The following GLT1D1 variants were observed in gnomAD, a reference collection of about 807,000 sequenced individuals.
The protein encoded by GLT1D1 is glycosyltransferase 1 domain containing 1, also known as glycosyltransferase 1 domain-containing protein 1.
GLT1D1 carries 21 observed loss-of-function variants against 28.7 expected under a neutral mutation model. That is an observed-to-expected ratio of 0.73 (90% CI 0.52 to 1.05). The LOEUF is 1.05. Among genes scored for constraint, GLT1D1 ranks in the 50% least tolerant of loss-of-function variants. GLT1D1 has a pLI of 0.00. For synonymous variants in GLT1D1, 147 were observed against 124.8 expected (o/e 1.18, Z -1.19); for missense variants, 343 against 330.6 (o/e 1.04, Z -0.29).
intron 5 of GLT1D1, among the ~76,000 whole-genome samples, chr12:128,946,319 G>A (rs777424945): frequency 3.3e-5 from 5 of 152,222 alleles, no homozygotes; most frequent in East Asian, 3.9e-4. Context: ...TGACATTATC[G>A]TCTCTAGTAT....
At chr12:128,963,322 C>T (rs1878149221) in intron 7 of GLT1D1, among the ~76,000 whole-genome samples, 1 of 151,892 alleles carries the variant, frequency 6.6e-6, no homozygotes, top group South Asian at 2.1e-4. Context: ...GTCGTATGGG[C>T]CAGAAAATAG....
intron 4 of GLT1D1, among the ~76,000 whole-genome samples, chr12:128,908,390 T>C (rs10847716): frequency 2.5e-4 from 34 of 133,434 alleles, no homozygotes; most frequent in East Asian, 1.1e-3. Flanking sequence ...TTCTCTTTCT[T>C]TCTCTCTCTC....
intron 6 of GLT1D1, among the ~76,000 whole-genome samples, chr12:128,949,737 A>G (rs186717716): frequency 6.6e-6 from 1 of 152,114 alleles, no homozygotes; most frequent in East Asian, 1.9e-4. Context: ...AGCCATCATG[A>G]TTAGGCTCAC....
chr12:128,881,533 C>CG (rs1957043841), intron 2 of GLT1D1, among the ~76,000 whole-genome samples: 3 of 5,508 alleles, frequency 5.4e-4, no homozygotes, highest in African/African-American at 5.0e-4. Flanking sequence ...GACTCTGTAT[C>CG]GAAAAAAAAA....
chr12:128,951,876 G>A (rs964720717), intron 6 of GLT1D1, among the ~76,000 whole-genome samples: 2 of 152,158 alleles, frequency 1.3e-5, no homozygotes, highest in African/African-American at 4.8e-5. Context: ...AAGTCTCTTC[G>A]CCCTCTGTTC....
intron 5 of GLT1D1, 121 bp downstream of exon 9, chr12:128,945,490 C>A: frequency 2.4e-6 from 2 of 848,994 alleles, no homozygotes; most frequent in Non-Finnish European, 4.1e-6. Flanking sequence ...ACTGTTTCCT[C>A]ATGCATCTTC....
chr12:128,942,813 C>T (rs2164173), intron 4 of GLT1D1, among the ~76,000 whole-genome samples: 7,272 of 149,204 alleles, frequency 0.049, 432 homozygotes, highest in East Asian at 0.17. Flanking sequence ...TGCGGTGGCA[C>T]GATCTAGGCT....
rs538327098 is a variant in GLT1D1 at position 128,892,487 on chromosome 12, G to T, written c.323+3743G>T. 3.3e-5 allele frequency among the ~76,000 whole-genome samples: 5 copies of T among 152,266 alleles called. No homozygotes were observed. The East Asian group carries it at 7.7e-4, about 23-fold the overall frequency. ...GGAAGAAAAACAATTCTGTTTACTA[G>T]AAACAACATTGAATGAATCCATCTT... is the stretch of plus-strand genomic sequence containing the variant. On this transcript the variant is annotated intron_variant, in intron 3 of 7. Transcript: ENST00000281703.
intron 4 of GLT1D1, among the ~76,000 whole-genome samples, chr12:128,911,687 A>C (rs1871549167): frequency 6.6e-6 from 1 of 152,164 alleles, no homozygotes; most frequent in African/African-American, 2.4e-5. Flanking sequence ...CACCTTAAAA[A>C]TATTCCTGCC....
At chr12:128,874,275 G>A (rs1593064962) in intron 1 of GLT1D1, among the ~76,000 whole-genome samples, 3 of 150,150 alleles carry the variant, frequency 2.0e-5, no homozygotes, top group South Asian at 4.2e-4. Context: ...TTTGCCTCCC[G>A]GGTTCAAGCA....
chr12:128,946,758 C>T (rs1019999910), intron 5 of GLT1D1, among the ~76,000 whole-genome samples: 11 of 148,950 alleles, frequency 7.4e-5, no homozygotes, highest in Admixed American at 3.4e-4. Context: ...GAGCAATTCT[C>T]CTGCCTCAGC....
chr12:128,972,099 C>T (rs952369764), intron 7 of GLT1D1, among the ~76,000 whole-genome samples: 31 of 151,984 alleles, frequency 2.0e-4, no homozygotes, highest in African/African-American at 7.2e-4. Context: ...TGGGCTGCAG[C>T]GGAACTGGGC....
chr12:128,969,962 C>T (rs1878872889), intron 7 of GLT1D1, among the ~76,000 whole-genome samples: 1 of 152,186 alleles, frequency 6.6e-6, no homozygotes, highest in South Asian at 2.1e-4. Flanking sequence ...CCTCCCCTCC[C>T]CCTGCCTCTG....
At chr12:128,911,588 C>A (rs554106380) in intron 4 of GLT1D1, among the ~76,000 whole-genome samples, 1 of 152,154 alleles carries the variant, frequency 6.6e-6, no homozygotes, top group African/African-American at 2.4e-5. Flanking sequence ...ACCAAAATGA[C>A]GGCCTGTTTT....
chr12:128,939,781 TCTC>T (rs1487490855), intron 4 of GLT1D1, among the ~76,000 whole-genome samples: 10 of 147,916 alleles, frequency 6.8e-5, no homozygotes, highest in African/African-American at 2.3e-4. Flanking sequence ...AACAGCCAAA[TCTC>T]CTGAGAACTC....
Position 128,887,291 on chromosome 12 carries a change from A to G in GLT1D1, c.218-1348A>G, listed in dbSNP as rs185686105. On this transcript the variant is annotated intron_variant, in intron 2 of 7. Coordinates refer to ENST00000281703, the MANE Select transcript of GLT1D1 (RefSeq NM_144669.3). Reference sequence around the variant, plus strand: ...CTTGGCCTTCCAAAGTGCTGGCATTACAGGTGTGAGCCACCGCACCTGGCC... The same window carrying G: ...CTTGGCCTTCCAAAGTGCTGGCATTGCAGGTGTGAGCCACCGCACCTGGCC... Among the ~76,000 whole-genome samples the G allele has an allele frequency of 2.8e-3, 420 of 152,234 alleles. 1 individual carries two copies. Among genetic ancestry groups the G allele is most frequent in the Non-Finnish European group, 4.0e-3 (270 of 68,012 alleles).
intron 4 of GLT1D1, among the ~76,000 whole-genome samples, chr12:128,933,275 C>T (rs988607866): frequency 5.9e-5 from 9 of 152,270 alleles, no homozygotes; most frequent in Non-Finnish European, 1.2e-4. Flanking sequence ...CGGGTAGACG[C>T]AGGCGGCGCC....
At chr12:128,927,633 C>G (rs1424507829) in intron 4 of GLT1D1, among the ~76,000 whole-genome samples, 1 of 152,032 alleles carries the variant, frequency 6.6e-6, no homozygotes, top group Non-Finnish European at 1.5e-5. Flanking sequence ...GGTTAAAGAT[C>G]ATTACAACGG....
At position 128,966,585 on chromosome 12, in the gene GLT1D1, A is replaced by T. The variant is rs199553359; in HGVS notation, c.639+8942A>T. 1.8e-4 allele frequency among the ~76,000 whole-genome samples: 27 copies of T among 152,178 alleles called. No homozygotes were observed. In the East Asian group the frequency reaches 5.2e-3, roughly 29 times the overall value. On this transcript the variant is annotated intron_variant, in intron 7 of 7. Coordinates refer to ENST00000281703, the MANE Select transcript of GLT1D1 (RefSeq NM_144669.3). ...CTGTAAAATGGGGAAGTGAGGCCTC[A>T]TCTGGGGGGTTTTGTGCTCTTCTGC...
Sources: gnomAD v4.1 joint callset for allele counts (sites outside exome capture counted in the v4.1 genomes callset) on GRCh38, gnomAD v4.1.1 for gene constraint, MANE v1.5 for transcripts, NCBI Gene and HGNC (gene_info 2026-07-23, HGNC 2026-07-21) for gene names.